The following TNFSF13B variants were observed in gnomAD, a reference collection of about 807,000 sequenced individuals.
The protein encoded by TNFSF13B is TNF superfamily member 13b.
In TNFSF13B, 8 loss-of-function variants were observed where a neutral mutation model predicts 29.1. The observed-to-expected ratio is 0.27, with a 90% CI of 0.16 to 0.50. The LOEUF is 0.50. TNFSF13B is among the 20% of genes least tolerant of loss of function. The probability of loss-of-function intolerance (pLI) is 0.98; values close to 1 mark genes in which losing one functional copy is unlikely to be tolerated. For synonymous variants in TNFSF13B, 125 were observed against 130.8 expected (o/e 0.96, Z 0.30); for missense variants, 248 against 334.9 (o/e 0.74, Z 2.03).
At chr13:108,271,689 A>G (rs1231043283) in intron 2 of TNFSF13B, among the ~76,000 whole-genome samples, 3 of 152,132 alleles carry the variant, frequency 2.0e-5, no homozygotes, top group Non-Finnish European at 4.4e-5. Context: ...AATTATTTTT[A>G]TCGTCTGCAT....
chr13:108,274,915 C>T (rs1880723871), intron 2 of TNFSF13B, among the ~76,000 whole-genome samples: 2 of 152,188 alleles, frequency 1.3e-5, no homozygotes, highest in Admixed American at 6.5e-5. Flanking sequence ...ATGATACTCT[C>T]TTCCAGGCAT....
chr13:108,291,689 A>G (rs927297893), intron 3 of TNFSF13B, among the ~76,000 whole-genome samples: 2 of 151,942 alleles, frequency 1.3e-5, no homozygotes, highest in African/African-American at 4.8e-5. Context: ...TGTGTTTCTC[A>G]TGTATGCAAA....
chr13:108,289,632 ATT>A (rs929729207), intron 3 of TNFSF13B, among the ~76,000 whole-genome samples: 26 of 147,904 alleles, frequency 1.8e-4, no homozygotes, highest in Non-Finnish European at 3.0e-4. Flanking sequence ...TGGGGAAAGA[ATT>A]TATATATATA....
At chr13:108,280,513 T>C (rs1880909682) in intron 2 of TNFSF13B, among the ~76,000 whole-genome samples, 1 of 152,322 alleles carries the variant, frequency 6.6e-6, no homozygotes, top group East Asian at 1.9e-4. Flanking sequence ...TTACACGTGA[T>C]ATTGTGAAGC....
At chr13:108,302,879 G>A in intron 3 of TNFSF13B, 1 of 989,720 alleles carries the variant, frequency 1.0e-6, no homozygotes, top group Non-Finnish European at 1.2e-6. Flanking sequence ...GGGAATCAAA[G>A]GAAAATCTCT....
chr13:108,276,369 C>T (rs1880762446), intron 2 of TNFSF13B, among the ~76,000 whole-genome samples: 1 of 152,208 alleles, frequency 6.6e-6, no homozygotes, highest in African/African-American at 2.4e-5. Context: ...TTCTGTTCAA[C>T]TTCTGGAAAA....
At chr13:108,301,697 G>T (rs1881629064) in intron 3 of TNFSF13B, among the ~76,000 whole-genome samples, 1 of 152,126 alleles carries the variant, frequency 6.6e-6, no homozygotes, top group African/African-American at 2.4e-5. Context: ...CAGTTAGACT[G>T]GAGGAATACG....
chr13:108,306,953 G>A lies in TNFSF13B; in HGVS notation c.*15G>A. The A allele has an allele frequency of 7.6e-7, 1 of 1,309,688 alleles. No individual in the cohort carries two copies. Among genetic ancestry groups the A allele is most frequent in the Non-Finnish European group, 1.0e-6 (1 of 968,464 alleles). The allele number at this position is 1,309,688 out of a possible 1,614,324, so 81.1% of individuals were successfully genotyped here. ...AACTGCTGTGACCTACTTACACCATGTCTGTAGCTATTTTCCTCCCTTTCT... is the reference window on the plus strand; with the variant it reads ...AACTGCTGTGACCTACTTACACCATATCTGTAGCTATTTTCCTCCCTTTCT... On this transcript the variant is annotated 3_prime_UTR_variant, in exon 6 of 6. Coordinates refer to ENST00000375887, the MANE Select transcript of TNFSF13B (RefSeq NM_006573.5).
chr13:108,300,499 A>G (rs1881589369), intron 3 of TNFSF13B, among the ~76,000 whole-genome samples: 1 of 152,216 alleles, frequency 6.6e-6, no homozygotes, highest in African/African-American at 2.4e-5. Context: ...GTGTTTTACA[A>G]TAATGACAGT....
At chr13:108,274,980 T>C (rs2139041915) in intron 2 of TNFSF13B, among the ~76,000 whole-genome samples, 1 of 152,284 alleles carries the variant, frequency 6.6e-6, no homozygotes, top group African/African-American at 2.4e-5. Context: ...TTTAGTACTT[T>C]GGCTTTAGTT....
intron 3 of TNFSF13B, among the ~76,000 whole-genome samples, chr13:108,298,831 C>T (rs1382110809): frequency 1.4e-5 from 2 of 145,022 alleles, no homozygotes; most frequent in East Asian, 1.9e-4. Context: ...CTTAGCCCGG[C>T]GTAGTGGCAC....
At chr13:108,292,140 C>T (rs1594528455) in intron 3 of TNFSF13B, among the ~76,000 whole-genome samples, 1 of 152,034 alleles carries the variant, frequency 6.6e-6, no homozygotes, top group East Asian at 1.9e-4. Context: ...ATTTCTCTGT[C>T]TCCCCATGCC....
chr13:108,300,943 A>G (rs2139068091), intron 3 of TNFSF13B, among the ~76,000 whole-genome samples: 1 of 152,308 alleles, frequency 6.6e-6, no homozygotes, highest in Middle Eastern at 3.4e-3. Flanking sequence ...GTCTATGGTA[A>G]TAGGAACTCA....
At chr13:108,274,753 C>G (rs1594515896) in intron 2 of TNFSF13B, among the ~76,000 whole-genome samples, 1 of 152,234 alleles carries the variant, frequency 6.6e-6, no homozygotes, top group Non-Finnish European at 1.5e-5. Context: ...CAGTAAGACT[C>G]AAAACCTTAA....
In TNFSF13B at chr13:108,296,667, A is replaced by C. The variant is rs1404165566; in HGVS notation, c.482-6586A>C. 2.1e-5 allele frequency among the ~76,000 whole-genome samples: 3 copies of C among 145,796 alleles called. 1 individual carries two copies. The highest frequency in any genetic ancestry group is 4.6e-5 in the Non-Finnish European group (3 of 65,574). ...CTTATGTTGCTGTTTGTTCTTTTAT[A>C]AGTTTTGTTCCTCAATTCCTTTATT... On this transcript the variant is annotated intron_variant, in intron 3 of 5. Transcript: ENST00000375887.
rs770008708 is a variant in TNFSF13B at position 108,270,185 on chromosome 13, C to T, written c.290C>T (p.Ala97Val). Residue 97 changes from alanine (A) to valine (V), a missense_variant, in exon 1 of 6, where the codon GCC (alanine) becomes GTC (valine). By Grantham distance (64) the Ala-to-Val change is moderately conservative. Coordinates refer to ENST00000375887, the MANE Select transcript of TNFSF13B (RefSeq NM_006573.5). ...HAEKLPAGAG[A>V]PKAGLEEAPA... Reference sequence around the variant, plus strand: ...GAGAAGCTGCCAGCAGGAGCAGGAGCCCCCAAGGCCGGCCTGGAGGAAGCT... The same window carrying T: ...GAGAAGCTGCCAGCAGGAGCAGGAGTCCCCAAGGCCGGCCTGGAGGAAGCT... 6.9e-6 allele frequency: 11 copies of T among 1,601,542 alleles called. No homozygotes were observed. The highest frequency in any genetic ancestry group is 1.3e-5 in the African/African-American group (1 of 74,998).
At chr13:108,302,806 G>T (rs1021861168) in intron 3 of TNFSF13B, 4 of 986,190 alleles carry the variant, frequency 4.1e-6, no homozygotes, top group Admixed American at 1.2e-4. Flanking sequence ...TTGGGCCAAG[G>T]AATGGAGAGA....
chr13:108,272,033 A>T (rs1027977270), intron 2 of TNFSF13B, among the ~76,000 whole-genome samples: 1 of 152,172 alleles, frequency 6.6e-6, no homozygotes, highest in South Asian at 2.1e-4. Context: ...TATACATGCA[A>T]TCAAAAATGT....
rs61760046 is a variant in TNFSF13B at position 108,269,850 on chromosome 13, G to T, written c.-46G>T. The T allele has an allele frequency of 6.4e-4, 961 of 1,497,822 alleles. 9 individuals carry two copies. The East Asian group carries it at 0.015, about 23-fold the overall frequency. The allele number at this position is 1,497,822 out of a possible 1,614,324, so 92.8% of individuals were successfully genotyped here. Reference sequence around the variant, plus strand: ...TAACAGGAAATGATCCATTCCCTGTGGTCACTTATTCTAAAGGCCCCAACC... The same window carrying T: ...TAACAGGAAATGATCCATTCCCTGTTGTCACTTATTCTAAAGGCCCCAACC... On this transcript the variant is annotated 5_prime_UTR_variant, in exon 1 of 6. Transcript: ENST00000375887.
Sources: gnomAD v4.1 joint callset for allele counts (sites outside exome capture counted in the v4.1 genomes callset) on GRCh38, gnomAD v4.1.1 for gene constraint, MANE v1.5 for transcripts, NCBI Gene and HGNC (gene_info 2026-07-23, HGNC 2026-07-21) for gene names.